The following SLC25A21 variants were observed in gnomAD, a reference collection of about 807,000 sequenced individuals.
The protein encoded by SLC25A21 is solute carrier family 25 member 21, also known as mitochondrial 2-oxodicarboxylate carrier.
In SLC25A21, 47 loss-of-function variants were observed where a neutral mutation model predicts 43.8. The ratio of observed to expected loss-of-function variants is 1.07; its 90% CI spans 0.85 to 1.37. SLC25A21 has a LOEUF of 1.37. Among genes scored for constraint, SLC25A21 ranks in the 40% most tolerant of loss-of-function variants. The pLI is 0.00. For missense variants in SLC25A21, 352 were observed against 350.2 expected (o/e 1.00, Z -0.04); for synonymous variants, 131 against 121.3 (o/e 1.08, Z -0.52).
intron 1 of SLC25A21, among the ~76,000 whole-genome samples, chr14:37,017,225 T>A (rs919414514): frequency 3.9e-5 from 6 of 152,054 alleles, no homozygotes; most frequent in Non-Finnish European, 8.8e-5. Flanking sequence ...TGATTTAAAG[T>A]GACAGACCTC....
intron 1 of SLC25A21, among the ~76,000 whole-genome samples, chr14:36,897,551 A>C (rs1290890808): frequency 5.9e-5 from 9 of 152,058 alleles, no homozygotes; most frequent in Admixed American, 5.9e-4. Context: ...AAGTCATTCT[A>C]CGTCCAGCTT....
At chr14:36,996,458 G>A (rs1960374320) in intron 1 of SLC25A21, among the ~76,000 whole-genome samples, 1 of 152,178 alleles carries the variant, frequency 6.6e-6, no homozygotes, top group Non-Finnish European at 1.5e-5. Context: ...GCTTGGGCAA[G>A]TTACTTAACC....
chr14:36,998,021 A>G (rs1453658846), intron 1 of SLC25A21, among the ~76,000 whole-genome samples: 1 of 152,160 alleles, frequency 6.6e-6, no homozygotes, highest in Non-Finnish European at 1.5e-5. Flanking sequence ...TCAATAATAG[A>G]ATTCATTTGT....
intron 1 of SLC25A21, among the ~76,000 whole-genome samples, chr14:36,996,650 C>A (rs1960378296): frequency 6.6e-6 from 1 of 151,938 alleles, no homozygotes; most frequent in South Asian, 2.1e-4. Flanking sequence ...TTATAGAACA[C>A]CCAGAAGCAA....
Position 36,865,843 on chromosome 14 carries a change from G to A in SLC25A21, c.119+9113C>T, listed in dbSNP as rs188800046. On this transcript the variant is annotated intron_variant, in intron 2 of 9. Transcript: ENST00000331299. The stretch of plus-strand genomic sequence containing the variant: ...CACAGATTGAGTAAAAGCCCCATAA[G>A]TGCATATATAACAACACGTGGATGC... Among the ~76,000 whole-genome samples the A allele has an allele frequency of 1.2e-3, 186 of 152,274 alleles. 1 individual carries two copies. Among genetic ancestry groups the A allele is most frequent in the African/African-American group, 4.3e-3 (180 of 41,564 alleles).
chr14:37,111,061 C>T (rs1963010999), intron 1 of SLC25A21, among the ~76,000 whole-genome samples: 1 of 152,066 alleles, frequency 6.6e-6, no homozygotes, highest in South Asian at 2.1e-4. Flanking sequence ...GCTTTTGAAA[C>T]CTTTGAAAAA....
chr14:36,997,738 A>C (rs1251891610), intron 1 of SLC25A21, among the ~76,000 whole-genome samples: 2 of 150,398 alleles, frequency 1.3e-5, no homozygotes, highest in Non-Finnish European at 3.0e-5. Flanking sequence ...CTGAGGCAGG[A>C]GAATCACTTG....
At chr14:36,972,310 T>C (rs560096438) in intron 1 of SLC25A21, among the ~76,000 whole-genome samples, 4 of 152,356 alleles carry the variant, frequency 2.6e-5, no homozygotes, top group Admixed American at 2.6e-4. Context: ...CTTCTCAGAA[T>C]GTATTCCCAT....
At chr14:36,910,519 A>G (rs1331937529) in intron 1 of SLC25A21, among the ~76,000 whole-genome samples, 1 of 152,202 alleles carries the variant, frequency 6.6e-6, no homozygotes, top group Non-Finnish European at 1.5e-5. Flanking sequence ...TGAGAAAAAA[A>G]TAGTGCCTGG....
intron 2 of SLC25A21, among the ~76,000 whole-genome samples, chr14:36,866,525 G>GCCACT (rs1890219128): frequency 6.6e-6 from 1 of 152,096 alleles, no homozygotes; most frequent in Non-Finnish European, 1.5e-5. Context: ...GTTTTCGAAT[G>GCCACT]CCACTTTCTC....
intron 1 of SLC25A21, among the ~76,000 whole-genome samples, chr14:36,914,148 A>G (rs1178210210): frequency 1.3e-5 from 2 of 152,252 alleles, no homozygotes; most frequent in Non-Finnish European, 2.9e-5. Context: ...AAAGACTTCA[A>G]GAAAATCTTC....
rs553752278 is a variant in SLC25A21, at chr14:36,982,153, C to T, written c.71-107149G>A. Among the ~76,000 whole-genome samples, 17 of 152,184 alleles carry T rather than the reference C, an allele frequency of 1.1e-4. No individual in the cohort carries two copies. In the South Asian group the frequency reaches 2.9e-3, roughly 26 times the overall value. On this transcript the variant is annotated intron_variant, in intron 1 of 9. Transcript: ENST00000331299. ...ATTATTTACAAGTAAAAGTTCAGCA[C>T]CAAATTATAGAACAGATTTCAGAAT... is the stretch of plus-strand genomic sequence containing the variant.
chr14:36,926,102 G>C (rs1007446402), intron 1 of SLC25A21, among the ~76,000 whole-genome samples: 1 of 152,000 alleles, frequency 6.6e-6, no homozygotes, highest in African/African-American at 2.4e-5. Context: ...TAGAACATAG[G>C]CTGGATCATA....
At chr14:36,895,391 C>G (rs1891209433) in intron 1 of SLC25A21, among the ~76,000 whole-genome samples, 1 of 152,092 alleles carries the variant, frequency 6.6e-6, no homozygotes, top group South Asian at 2.1e-4. Flanking sequence ...GTGATATCCC[C>G]TTTATCATTT....
At chr14:36,957,608 G>T (rs1400934388) in intron 1 of SLC25A21, among the ~76,000 whole-genome samples, 1 of 152,182 alleles carries the variant, frequency 6.6e-6, no homozygotes, top group South Asian at 2.1e-4. Context: ...CAACTGCAAT[G>T]AAAATGACAT....
intron 1 of SLC25A21, among the ~76,000 whole-genome samples, chr14:36,920,884 A>C (rs1418966390): frequency 6.6e-6 from 1 of 152,144 alleles, no homozygotes; most frequent in Non-Finnish European, 1.5e-5. Flanking sequence ...TAGTTGTATA[A>C]AAAGGCACTA....
intron 1 of SLC25A21, among the ~76,000 whole-genome samples, chr14:37,015,892 T>C (rs143233022): frequency 0.04 from 6,058 of 152,216 alleles, 372 homozygotes; most frequent in African/African-American, 0.14. Context: ...TGGGGTTGTT[T>C]GCTTTTTTCT....
At chr14:36,869,916 C>A (rs1324982756) in intron 2 of SLC25A21, among the ~76,000 whole-genome samples, 1 of 152,132 alleles carries the variant, frequency 6.6e-6, no homozygotes, top group Non-Finnish European at 1.5e-5. Flanking sequence ...CAAGCCCCAC[C>A]ACATTATCTG....
intron 1 of SLC25A21, among the ~76,000 whole-genome samples, chr14:37,006,720 A>T (rs1960611954): frequency 6.6e-6 from 1 of 152,180 alleles, no homozygotes; most frequent in Admixed American, 6.6e-5. Context: ...TTATCTTACA[A>T]ATAATGCATA....
Sources: gnomAD v4.1 joint callset for allele counts (sites outside exome capture counted in the v4.1 genomes callset) on GRCh38, gnomAD v4.1.1 for gene constraint, MANE v1.5 for transcripts, NCBI Gene and HGNC (gene_info 2026-07-23, HGNC 2026-07-21) for gene names.